Variants in CACNA1C observed in about 807,000 individuals in gnomAD.
CACNA1C encodes calcium voltage-gated channel subunit alpha1 C, also known as voltage-dependent L-type calcium channel subunit alpha-1C.
CACNA1C carries 30 observed loss-of-function variants against 229.0 expected under a neutral mutation model. That is an observed-to-expected ratio of 0.13 (90% CI 0.10 to 0.18). The LOEUF (loss-of-function observed/expected upper bound fraction) is 0.18. CACNA1C is among the 10% of genes least tolerant of loss of function. The pLI is 1.00. For missense variants in CACNA1C, 1,658 were observed against 2,845.0 expected (o/e 0.58, Z 9.49); for synonymous variants, 1,114 against 1,132.5 (o/e 0.98, Z 0.33).
At chr12:2,337,389 C>T (rs1162998667) in intron 3 of CACNA1C, among the ~76,000 whole-genome samples, 1 of 152,236 alleles carries the variant, frequency 6.6e-6, no homozygotes, top group Non-Finnish European at 1.5e-5. Context: ...TGTAGGCCTT[C>T]TCTGGGCGTG....
chr12:2,156,047 A>G (rs933829665), intron 3 of CACNA1C, among the ~76,000 whole-genome samples: 1 of 152,190 alleles, frequency 6.6e-6, no homozygotes, highest in East Asian at 1.9e-4. Flanking sequence ...TGACAGACCT[A>G]AGGTTGAGTG....
At chr12:2,609,717 A>G (rs1008451648) in intron 27 of CACNA1C, among the ~76,000 whole-genome samples, 1 of 151,984 alleles carries the variant, frequency 6.6e-6, no homozygotes, top group Non-Finnish European at 1.5e-5. Flanking sequence ...GGCAAAGTAC[A>G]GAGAAATGGA....
chr12:2,651,663 C>T lies in CACNA1C; in HGVS notation c.3969C>T (p.Ile1323=), dbSNP rs201345843. The T allele has an allele frequency of 2.0e-4, 315 of 1,613,842 alleles. No individual in the cohort carries two copies. Among genetic ancestry groups the T allele is most frequent in the Non-Finnish European group, 2.6e-4 (310 of 1,179,864 alleles). ...AGAACGCAGAGGAAAACTCCCGCAT[C>T]TCCATCACCTTCTTCCGCCTGTTCC... ...PSMNAEENSR[I]SITFFRLFRV... The change falls in exon 32 of 47, where the codon ATC becomes ATT. Residue 1323 remains isoleucine (I), a synonymous_variant. Coordinates refer to ENST00000399655, the MANE Select transcript of CACNA1C (RefSeq NM_000719.7). This position sits in a 1 kb window ranked among gnomAD's most constrained non-coding sequence, Gnocchi z 5.4.
chr12:2,428,374 G>T (rs1475116575), intron 3 of CACNA1C, among the ~76,000 whole-genome samples: 1 of 152,168 alleles, frequency 6.6e-6, no homozygotes, highest in East Asian at 1.9e-4. Context: ...TTCCTACACT[G>T]CCTTCTCCAG....
At chr12:2,424,355 A>AGG (rs1478619107) in intron 3 of CACNA1C, among the ~76,000 whole-genome samples, 1 of 152,118 alleles carries the variant, frequency 6.6e-6, no homozygotes, top group Non-Finnish European at 1.5e-5. Flanking sequence ...GGAAAAGTCA[A>AGG]GGGGGAGGGA....
intron 3 of CACNA1C, among the ~76,000 whole-genome samples, chr12:2,209,127 C>T (rs867310859): frequency 6.6e-6 from 1 of 152,230 alleles, no homozygotes; most frequent in Non-Finnish European, 1.5e-5. Flanking sequence ...CCCTGGTTCC[C>T]ATGCCTGCCA....
At position 2,488,184 on chromosome 12, in the gene CACNA1C, A is replaced by G. The variant is rs2099704383; in HGVS notation, c.916+1922A>G. ...GGAGAGGGGCTCCAAAGCTGCAGGCAATTTCCATCATCCTAACGAGAAAGC... is the reference window on the plus strand; with the variant it reads ...GGAGAGGGGCTCCAAAGCTGCAGGCGATTTCCATCATCCTAACGAGAAAGC... On this transcript the variant is annotated intron_variant, in intron 6 of 46. Transcript: ENST00000399655. This position sits in a 1 kb window ranked among gnomAD's most constrained non-coding sequence, Gnocchi z 4.0. Among the ~76,000 whole-genome samples, 1 of 152,218 alleles carries G rather than the reference A, an allele frequency of 6.6e-6. No homozygotes were observed. The highest frequency in any genetic ancestry group is 2.1e-4 in the South Asian group (1 of 4,828).
intron 3 of CACNA1C, among the ~76,000 whole-genome samples, chr12:2,300,282 C>G (rs1290555154): frequency 6.6e-6 from 1 of 152,188 alleles, no homozygotes; most frequent in African/African-American, 2.4e-5. Context: ...TTATGGAGTG[C>G]CTCCTGTTTG....
At chr12:2,593,139 T>G in intron 18 of CACNA1C, 74 bp from the exon 19 acceptor site, 1 of 1,514,816 alleles carries the variant, frequency 6.6e-7, no homozygotes, top group Non-Finnish European at 9.0e-7. Flanking sequence ...TGTCTGCCAG[T>G]AGGAAGGTCT....
chr12:2,553,677 G>A (rs1296049507), intron 10 of CACNA1C, among the ~76,000 whole-genome samples: 1 of 152,252 alleles, frequency 6.6e-6, no homozygotes, highest in Admixed American at 6.5e-5. Flanking sequence ...AGGCATGGCA[G>A]AAGGCCCAGG....
Position 2,488,761 on chromosome 12 carries a change from C to CA in CACNA1C, c.916+2500dup, listed in dbSNP as rs2099706615. Among the ~76,000 whole-genome samples, 1 of 152,180 alleles carries CA rather than the reference C, an allele frequency of 6.6e-6. No individual in the cohort carries two copies. Among genetic ancestry groups the CA allele is most frequent in the Non-Finnish European group, 1.5e-5 (1 of 68,032 alleles). ...GGTGGCCTCACTCATTCGCTGGAGTCAGAGTCCCTGCTGGGAAGAGGGGCC... is the reference window on the plus strand; with the variant it reads ...GGTGGCCTCACTCATTCGCTGGAGTCAAGAGTCCCTGCTGGGAAGAGGGGCC... On this transcript the variant is annotated intron_variant, in intron 6 of 46. Coordinates refer to ENST00000399655, the MANE Select transcript of CACNA1C (RefSeq NM_000719.7). The surrounding 1 kb of genome is among the most constrained non-coding windows in gnomAD (Gnocchi z 4.0).
Position 2,677,700 on chromosome 12 carries a change from C to G in CACNA1C, c.4957-33C>G. 1 of 1,599,292 alleles carries G rather than the reference C, an allele frequency of 6.3e-7. No individual in the cohort carries two copies. Among genetic ancestry groups the G allele is most frequent in the Admixed American group, 1.7e-5 (1 of 58,216 alleles). ...GCTGGGGAGCTTGGAGGAAAGGGAG[C>G]GTGGTCCTCACCATCCTCCCCTTGG... On this transcript the variant is annotated intron_variant, in intron 40 of 46. Transcript: ENST00000399655. The surrounding 1 kb of genome is among the most constrained non-coding windows in gnomAD (Gnocchi z 7.4).
chr12:2,004,716 A>C (rs570259086), intron 1 of CACNA1C: 3 of 453,140 alleles, frequency 6.6e-6, no homozygotes, highest in African/African-American at 6.1e-5. Flanking sequence ...TACGCGCTCG[A>C]GCCTTTGAGC....
chr12:2,342,301 T>C (rs1297610379), intron 3 of CACNA1C, among the ~76,000 whole-genome samples: 1 of 152,200 alleles, frequency 6.6e-6, no homozygotes, highest in Non-Finnish European at 1.5e-5. Flanking sequence ...TTCTTTTCCC[T>C]GCCCTGTCTC....
intron 13 of CACNA1C, among the ~76,000 whole-genome samples, chr12:2,571,119 A>G (rs1234568951): frequency 4.6e-5 from 7 of 152,226 alleles, no homozygotes; most frequent in Non-Finnish European, 1.5e-5. Flanking sequence ...GGCTACTACT[A>G]TTATTATTCC....
intron 3 of CACNA1C, among the ~76,000 whole-genome samples, chr12:2,264,916 A>G (rs572882476): frequency 1.3e-5 from 2 of 152,198 alleles, no homozygotes; most frequent in Admixed American, 6.5e-5. Context: ...GGCTTGCCCT[A>G]TCCTGCGTTG....
rs921953135 is a variant in CACNA1C, at chr12:2,297,929, GAAGAA to G, written c.478-151039_478-151035del. On this transcript the variant is annotated intron_variant, in intron 3 of 46. Transcript: ENST00000399655. ...AAATAAATAAATAGAGAAGGAGAAG[GAAGAA>G]AAGAAAACAGCCAGAGGAGGTTGCT... Among the ~76,000 whole-genome samples the G allele has an allele frequency of 2.6e-5, 4 of 152,192 alleles. 1 individual carries two copies. The highest frequency in any genetic ancestry group is 9.6e-5 in the African/African-American group (4 of 41,512).
At chr12:2,235,800 G>C (rs1183182788) in intron 3 of CACNA1C, among the ~76,000 whole-genome samples, 1 of 152,156 alleles carries the variant, frequency 6.6e-6, no homozygotes, top group East Asian at 1.9e-4. Context: ...CACCAGAGCT[G>C]TGGAATGACT....
intron 3 of CACNA1C, among the ~76,000 whole-genome samples, chr12:2,405,535 A>T (rs2098727768): frequency 6.6e-6 from 1 of 152,138 alleles, no homozygotes. Context: ...TTCGTTGAAC[A>T]TTTTTTAGAA....
Sources: allele counts gnomAD v4.1 joint callset (sites outside exome capture counted in the v4.1 genomes callset), GRCh38; gene constraint gnomAD v4.1.1; non-coding constraint Gnocchi (gnomAD v3.1); transcripts MANE v1.5; gene names NCBI Gene and HGNC (gene_info 2026-07-23, HGNC 2026-07-21).